Variants in NUDT4 observed in about 807,000 individuals in gnomAD.
The protein encoded by NUDT4 is diphosphoinositol polyphosphate phosphohydrolase 2.
Under a neutral mutation model 23.1 loss-of-function variants are expected in NUDT4, and 5 were observed. That is an observed-to-expected ratio of 0.22 (90% CI 0.11 to 0.46). NUDT4 has a LOEUF of 0.46. Among genes scored for constraint, NUDT4 ranks in the 20% least tolerant of loss-of-function variants. NUDT4 has a pLI of 0.99. For missense variants in NUDT4, 96 were observed against 211.6 expected (o/e 0.45, Z 3.39); for synonymous variants, 50 against 79.0 (o/e 0.63, Z 1.95).
At chr12:93,381,662 A>G (rs759152676) in intron 1 of NUDT4, among the ~76,000 whole-genome samples, 11 of 152,214 alleles carry the variant, frequency 7.2e-5, no homozygotes, top group Non-Finnish European at 1.6e-4. Flanking sequence ...GGCGTCCCAA[A>G]TAGAGCAAGA....
intron 1 of NUDT4, among the ~76,000 whole-genome samples, chr12:93,380,808 C>T (rs963027820): frequency 2.0e-5 from 3 of 152,290 alleles, no homozygotes; most frequent in Admixed American, 6.5e-5. Flanking sequence ...CCAGGACAGT[C>T]TAGAAAACCA....
rs1237934750 is a variant in NUDT4, at chr12:93,401,363, A to T, written c.*1984A>T. 21 of 148,594 alleles carry T rather than the reference A, an allele frequency of 1.4e-4. No homozygotes were observed. The highest frequency in any genetic ancestry group is 4.9e-4 in the African/African-American group (20 of 40,696). 9.2% of individuals were successfully genotyped at this position (148,594 alleles called of 1,614,324 possible). A position where few individuals can be genotyped will look rare whatever the true frequency, so the allele number is the denominator to read the frequency against. On this transcript the variant is annotated 3_prime_UTR_variant, in exon 5 of 5. Coordinates refer to ENST00000415493, the MANE Select transcript of NUDT4 (RefSeq NM_019094.6). ...GGTCAGTAATCTCTGAAATTTCCTT[A>T]AATTATATACTTAACATAGCAGAGA...
chr12:93,380,264 G>A (rs1437541406), intron 1 of NUDT4, among the ~76,000 whole-genome samples: 1 of 152,114 alleles, frequency 6.6e-6, no homozygotes, highest in East Asian at 1.9e-4. Flanking sequence ...AGACTCTAGG[G>A]GAAAATATGA....
chr12:93,378,582 C>T lies in NUDT4; in HGVS notation c.99+161C>T, dbSNP rs145270859. ...CCCTCACTCCTTTCCTCCCTCACTT[C>T]TTCCTTCCTTTCTCTGGGCTGATAG... is the stretch of plus-strand genomic sequence containing the variant. On this transcript the variant is annotated intron_variant, in intron 1 of 4. Transcript: ENST00000415493. 509 of 1,296,482 alleles carry T rather than the reference C, an allele frequency of 3.9e-4. 2 individuals carry two copies. The African/African-American group carries it at 6.3e-3, about 16-fold the overall frequency. 80.3% of individuals were successfully genotyped at this position (1,296,482 alleles called of 1,614,324 possible).
In NUDT4 at chr12:93,401,981, G is replaced by T. The variant is rs1454249641; in HGVS notation, c.*2602G>T. 1.6e-5 allele frequency: 2 copies of T among 121,412 alleles called. No individual in the cohort carries two copies. The highest frequency in any genetic ancestry group is 3.5e-5 in the Non-Finnish European group (2 of 57,368). The allele number at this position is 121,412 out of a possible 1,614,324, so 7.5% of individuals were successfully genotyped here. On this transcript the variant is annotated 3_prime_UTR_variant, in exon 5 of 5. Coordinates refer to ENST00000415493, the MANE Select transcript of NUDT4 (RefSeq NM_019094.6). The stretch of plus-strand genomic sequence containing the variant: ...TAAAATTGGGCAGCTAAATTTTTCA[G>T]TTCCATGTGCCTCCCAAATAAAAAA...
chr12:93,387,818 G>A (rs543462512), intron 1 of NUDT4, among the ~76,000 whole-genome samples: 6 of 152,046 alleles, frequency 3.9e-5, no homozygotes, highest in African/African-American at 1.4e-4. Flanking sequence ...GGCAGGCAGG[G>A]GACTGTTTTA....
Position 93,396,555 on chromosome 12 carries a change from G to GA in NUDT4, c.255+1028dup, listed in dbSNP as rs1342543669. ...TTTATTTTTAAGCCTTAGGAATTCA[G>GA]AAAAAATCCCGATTTTGTAGCACTT... is the stretch of plus-strand genomic sequence containing the variant. On this transcript the variant is annotated intron_variant, in intron 3 of 4. Transcript: ENST00000415493. Among the ~76,000 whole-genome samples, 24 of 152,236 alleles carry GA rather than the reference G, an allele frequency of 1.6e-4. No homozygotes were observed. In the East Asian group the frequency reaches 3.3e-3, roughly 21 times the overall value.
chr12:93,381,460 T>A (rs1173512936), intron 1 of NUDT4, among the ~76,000 whole-genome samples: 1 of 152,236 alleles, frequency 6.6e-6, no homozygotes, highest in African/African-American at 2.4e-5. Context: ...TGTATTTGCA[T>A]ATATGATAGT....
In NUDT4 at chr12:93,380,266, A is replaced by T. The variant is rs55764519; in HGVS notation, c.99+1845A>T. ...TTGTAAAAATACTAGACTCTAGGGG[A>T]AAATATGAGTGATGGAAATTGAAAT... On this transcript the variant is annotated intron_variant, in intron 1 of 4. Coordinates refer to ENST00000415493, the MANE Select transcript of NUDT4 (RefSeq NM_019094.6). Among the ~76,000 whole-genome samples the T allele has an allele frequency of 3.3e-3, 497 of 152,296 alleles. 2 individuals carry two copies. Among genetic ancestry groups the T allele is most frequent in the African/African-American group, 0.011 (477 of 41,556 alleles).
chr12:93,396,441 T>C (rs1444992830), intron 3 of NUDT4, among the ~76,000 whole-genome samples: 1 of 152,222 alleles, frequency 6.6e-6, no homozygotes, highest in African/African-American at 2.4e-5. Flanking sequence ...CAGACCTAGA[T>C]ACACAGTATA....
intron 3 of NUDT4, among the ~76,000 whole-genome samples, chr12:93,397,614 C>T (rs1447353813): frequency 6.6e-6 from 1 of 152,146 alleles, no homozygotes; most frequent in African/African-American, 2.4e-5. Context: ...GCCACGTCCG[C>T]CTCCTGGGCT....
chr12:93,387,844 A>C (rs925402656), intron 1 of NUDT4, among the ~76,000 whole-genome samples: 2 of 151,956 alleles, frequency 1.3e-5, no homozygotes, highest in Admixed American at 6.6e-5. Flanking sequence ...CCTTCTCTCT[A>C]CTAATGCTGT....
intron 3 of NUDT4, among the ~76,000 whole-genome samples, chr12:93,396,148 A>G (rs1037270318): frequency 4.6e-5 from 7 of 152,212 alleles, no homozygotes; most frequent in African/African-American, 1.4e-4. Context: ...AGGAGGTACA[A>G]TATTTTTAGT....
intron 4 of NUDT4, 67 bp downstream of exon 4, chr12:93,398,922 G>A: frequency 8.8e-7 from 1 of 1,130,854 alleles, no homozygotes; most frequent in Non-Finnish European, 1.3e-6. Context: ...TGTTAATATA[G>A]GTAAGTTCCC....
rs188798915 is a variant in NUDT4, at chr12:93,380,595, C to G, written c.99+2174C>G. On this transcript the variant is annotated intron_variant, in intron 1 of 4. Transcript: ENST00000415493. ...AGAGGATATGATCTGAGGGAAGACT[C>G]TAGAATTCTCCTTAAGTGAAATGCA... 2.1e-3 allele frequency among the ~76,000 whole-genome samples: 326 copies of G among 152,252 alleles called. 3 individuals carry two copies. The highest frequency in any genetic ancestry group is 4.0e-3 in the Non-Finnish European group (270 of 68,006).
intron 1 of NUDT4, among the ~76,000 whole-genome samples, chr12:93,387,636 AAT>A (rs749957346): frequency 6.6e-5 from 10 of 152,336 alleles, no homozygotes; most frequent in South Asian, 4.2e-4. Context: ...GCCTAATTAA[AAT>A]ATAAACATGC....
intron 1 of NUDT4, among the ~76,000 whole-genome samples, chr12:93,382,793 C>T (rs748477892): frequency 2.7e-4 from 40 of 150,610 alleles, no homozygotes; most frequent in Non-Finnish European, 4.3e-4. Context: ...TCTCAAGTAG[C>T]TGGGACTACA....
intron 1 of NUDT4, among the ~76,000 whole-genome samples, chr12:93,391,793 G>A (rs759617754): frequency 6.6e-6 from 1 of 152,128 alleles, no homozygotes; most frequent in Non-Finnish European, 1.5e-5. Context: ...TAAACCCTAT[G>A]TGTTTTCGAG....
chr12:93,394,958 C>G (rs1332735550), intron 2 of NUDT4, among the ~76,000 whole-genome samples: 1 of 152,100 alleles, frequency 6.6e-6, no homozygotes, highest in Non-Finnish European at 1.5e-5. Context: ...AAGTGATTCT[C>G]CAGCTTCAGC....
Sources: gnomAD v4.1 joint callset for allele counts (sites outside exome capture counted in the v4.1 genomes callset) on GRCh38, gnomAD v4.1.1 for gene constraint, MANE v1.5 for transcripts, NCBI Gene and HGNC (gene_info 2026-07-23, HGNC 2026-07-21) for gene names.